Variants in CSNK1G2 observed in about 807,000 individuals in gnomAD.
CSNK1G2 encodes casein kinase I isoform gamma-2.
In CSNK1G2, 11 loss-of-function variants were observed where a neutral mutation model predicts 48.0. The ratio of observed to expected loss-of-function variants is 0.23; its 90% confidence interval spans 0.14 to 0.38. CSNK1G2 has a LOEUF of 0.38. Ranked by LOEUF, CSNK1G2 falls within the 10% of genes least tolerant of loss-of-function variation. CSNK1G2 has a pLI of 1.00. For synonymous variants in CSNK1G2, 337 were observed against 254.1 expected, an observed-to-expected ratio of 1.33 and a Z score of -3.10; for missense variants, 446 against 595.5, an observed-to-expected ratio of 0.75 and a Z score of 2.61.
chr19:1,960,543 G>A (rs941612637), intron 1 of CSNK1G2, among the ~76,000 whole-genome samples: 27 of 152,306 alleles, frequency 1.8e-4, no homozygotes, highest in African/African-American at 5.8e-4. Flanking sequence ...TGGGGTCTCC[G>A]TGTGTGTGTC....
intron 1 of CSNK1G2, among the ~76,000 whole-genome samples, chr19:1,948,131 C>T (rs185386947): frequency 7.9e-5 from 12 of 152,280 alleles, no homozygotes; most frequent in African/African-American, 2.4e-4. Flanking sequence ...GATCCTGCAC[C>T]GGAGGGAGCC....
chr19:1,967,746 C>CTCT (rs1449390020), intron 1 of CSNK1G2, among the ~76,000 whole-genome samples: 1 of 89,678 alleles, frequency 1.1e-5, no homozygotes, highest in African/African-American at 6.3e-5. Context: ...CTCCCTCCTC[C>CTCT]CCAGGCTGCC....
In CSNK1G2 at chr19:1,980,420, T is replaced by C; in HGVS notation, c.*217T>C. 1 of 626,154 alleles carries C rather than the reference T, an allele frequency of 1.6e-6. No homozygotes were observed. The allele number at this position is 626,154 out of a possible 1,614,324, so 38.8% of individuals were successfully genotyped here. A position where few individuals can be genotyped will look rare whatever the true frequency, so the allele number is the denominator to read the frequency against. On this transcript the variant is annotated 3_prime_UTR_variant, in exon 12 of 12. Coordinates refer to ENST00000255641, the MANE Select transcript of CSNK1G2 (RefSeq NM_001319.7). The stretch of plus-strand genomic sequence containing the variant: ...AGACTTTGGCCGAAATTTCTACACC[T>C]GTGTCTAGTCCTCCCCTCCAAGAGC...
Position 1,978,781 on chromosome 19 carries a change from G to A in CSNK1G2, c.447+31G>A, listed in dbSNP as rs1329200672. On this transcript the variant is annotated intron_variant, in intron 5 of 11. Coordinates refer to ENST00000255641, the MANE Select transcript of CSNK1G2 (RefSeq NM_001319.7). This position sits in a 1 kb window ranked among gnomAD's most constrained non-coding sequence, Gnocchi z 7.3. ...CGGCGGGCGGGGCGGGGCGGGGCTC[G>A]GAGGGAAGAGGGTGGCCCTGGAGGG... 7 of 1,571,496 alleles carry A rather than the reference G, an allele frequency of 4.5e-6. No individual in the cohort carries two copies. The highest frequency in any genetic ancestry group is 4.3e-6 in the Non-Finnish European group (5 of 1,159,652).
intron 2 of CSNK1G2, among the ~76,000 whole-genome samples, chr19:1,973,538 C>A (rs1045956788): frequency 6.6e-6 from 1 of 152,232 alleles, no homozygotes; most frequent in Non-Finnish European, 1.5e-5. Flanking sequence ...TCTGGTTCTG[C>A]GTGTGACAGG....
At chr19:1,972,930 G>GT (rs34612691) in intron 2 of CSNK1G2, among the ~76,000 whole-genome samples, 2,725 of 128,140 alleles carry the variant, frequency 0.021, 45 homozygotes, top group East Asian at 0.061. Flanking sequence ...CGCCTGCTTT[G>GT]TTTTTTTTTT....
Position 1,975,886 on chromosome 19 carries a change from A to G in CSNK1G2, c.188-2419A>G, listed in dbSNP as rs569122439. The G allele has an allele frequency of 4.4e-5, 31 of 699,784 alleles. 1 individual carries two copies. The South Asian group carries it at 1.7e-3, about 37-fold the overall frequency. The allele number at this position is 699,784 out of a possible 1,614,324, so 43.3% of individuals were successfully genotyped here. On this transcript the variant is annotated intron_variant, in intron 2 of 11. Transcript: ENST00000255641. ...GCCCATCTCTAGTAAAAATACAAAA[A>G]TTAGCCAGGTTGATGGTGCCTGCCT...
chr19:1,962,067 C>T (rs994890848), intron 1 of CSNK1G2, among the ~76,000 whole-genome samples: 2 of 152,196 alleles, frequency 1.3e-5, no homozygotes, highest in African/African-American at 2.4e-5. Context: ...CGGTGGCTCA[C>T]GCCTGTAATC....
intron 1 of CSNK1G2, among the ~76,000 whole-genome samples, chr19:1,968,584 G>A (rs994004535): frequency 3.3e-5 from 5 of 152,166 alleles, no homozygotes; most frequent in Non-Finnish European, 7.4e-5. Context: ...CTCTGGGCTC[G>A]GGAGCATTTA....
At chr19:1,972,466 T>C (rs1404299083) in intron 2 of CSNK1G2, among the ~76,000 whole-genome samples, 1 of 152,246 alleles carries the variant, frequency 6.6e-6, no homozygotes, top group Non-Finnish European at 1.5e-5. Context: ...ATTTAAAATA[T>C]TGACTATGCT....
intron 2 of CSNK1G2, among the ~76,000 whole-genome samples, chr19:1,971,766 CTTTTT>C (rs60024174): frequency 8.6e-6 from 1 of 116,192 alleles, no homozygotes; most frequent in African/African-American, 3.5e-5. Context: ...GTGATGCCAG[CTTTTT>C]TTTTTTTTTT....
At chr19:1,969,407 C>T (rs1008133360) in intron 1 of CSNK1G2, 101 bp from the exon 2 acceptor site, 3 of 171,340 alleles carry the variant, frequency 1.8e-5, no homozygotes, top group Non-Finnish European at 3.7e-5. Context: ...CCTTCCAGCC[C>T]AGCAGTCTCC....
chr19:1,973,293 G>A (rs549068269), intron 2 of CSNK1G2, among the ~76,000 whole-genome samples: 48 of 151,628 alleles, frequency 3.2e-4, no homozygotes, highest in Middle Eastern at 3.4e-3. Context: ...GCGCGATCTC[G>A]GCTCACTGCA....
chr19:1,972,078 C>G (rs532574115), intron 2 of CSNK1G2, among the ~76,000 whole-genome samples: 1 of 152,294 alleles, frequency 6.6e-6, no homozygotes, highest in African/African-American at 2.4e-5. Context: ...CTGGTGACGC[C>G]AGCTTTTACT....
chr19:1,942,992 C>T (rs1364609165), intron 1 of CSNK1G2, among the ~76,000 whole-genome samples: 1 of 152,148 alleles, frequency 6.6e-6, no homozygotes, highest in Non-Finnish European at 1.5e-5. Context: ...GCTCAGCCCC[C>T]CACAGTGAGC....
chr19:1,975,045 A>G, intron 2 of CSNK1G2: 1 of 985,024 alleles, frequency 1.0e-6, no homozygotes, highest in East Asian at 1.1e-4. Context: ...CCCAGCACAC[A>G]CCCAGGTCTC....
rs559482807 is a variant in CSNK1G2, at chr19:1,961,615, C to T, written c.-265-7893C>T. On this transcript the variant is annotated intron_variant, in intron 1 of 11. Coordinates refer to ENST00000255641, the MANE Select transcript of CSNK1G2 (RefSeq NM_001319.7). ...CTGGAACTAGGGGGTGCCCCCAAAG[C>T]GGCACGGCGCCCAGTCCCTGTGCTG... is the stretch of plus-strand genomic sequence containing the variant. Among the ~76,000 whole-genome samples, 7 of 152,236 alleles carry T rather than the reference C, an allele frequency of 4.6e-5. No individual in the cohort carries two copies. The East Asian group carries it at 7.7e-4, about 17-fold the overall frequency.
chr19:1,953,736 G>T, intron 1 of CSNK1G2: 1 of 406,088 alleles, frequency 2.5e-6, no homozygotes, highest in South Asian at 1.8e-5. Context: ...CCCCCCAACA[G>T]GGTCTGGTCC....
rs907996712 is a variant in CSNK1G2, at chr19:1,980,517, G to A, written c.*314G>A. On this transcript the variant is annotated 3_prime_UTR_variant, in exon 12 of 12. Coordinates refer to ENST00000255641, the MANE Select transcript of CSNK1G2 (RefSeq NM_001319.7). ...CGCCCTACCCCACTCCTGCCCCTCC[G>A]TTTCTTTGCTGAAGTGAGTAGTGTG... The A allele has an allele frequency of 7.1e-6, 3 of 420,446 alleles. No homozygotes were observed. Among genetic ancestry groups the A allele is most frequent in the African/African-American group, 2.1e-5 (1 of 48,026 alleles). 26.0% of individuals were successfully genotyped at this position (420,446 alleles called of 1,614,324 possible).
Sources: allele counts gnomAD v4.1 joint callset (sites outside exome capture counted in the v4.1 genomes callset), GRCh38; gene constraint gnomAD v4.1.1; non-coding constraint Gnocchi (gnomAD v3.1); transcripts MANE v1.5; gene names NCBI Gene and HGNC (gene_info 2026-07-23, HGNC 2026-07-21).